RAB28: variants seen among roughly 807,000 people sequenced by gnomAD.
RAB28 encodes RAB28, member RAS oncogene family.
Under a neutral mutation model 31.7 loss-of-function variants are expected in RAB28, and 24 were observed. The observed-to-expected ratio is 0.76, with a 90% CI of 0.55 to 1.06. RAB28 has a LOEUF of 1.06. RAB28 is among the 50% of genes least tolerant of loss of function. The probability of loss-of-function intolerance (pLI) is 0.00; values close to 1 mark genes in which losing one functional copy is unlikely to be tolerated. For synonymous variants in RAB28, 100 were observed against 90.4 expected (o/e 1.11, Z -0.60); for missense variants, 254 against 258.5 (o/e 0.98, Z 0.12).
At chr4:13,443,861 G>A (rs940234027) in intron 4 of RAB28, among the ~76,000 whole-genome samples, 7 of 151,924 alleles carry the variant, frequency 4.6e-5, no homozygotes, top group Non-Finnish European at 7.4e-5. Flanking sequence ...CCCATCCCCT[G>A]ACAACAACTA....
At chr4:13,468,786 T>A (rs185781582) in intron 3 of RAB28, among the ~76,000 whole-genome samples, 5,676 of 142,088 alleles carry the variant, frequency 0.04, 132 homozygotes, top group Middle Eastern at 0.082. Flanking sequence ...GTTTTTTTTT[T>A]AAAAAAAAAA....
At chr4:13,419,137 TC>T (rs1712967028) in intron 4 of RAB28, among the ~76,000 whole-genome samples, 1 of 149,350 alleles carries the variant, frequency 6.7e-6, no homozygotes, top group African/African-American at 2.5e-5. Flanking sequence ...AAAACAAAGA[TC>T]AAAAAAGACA....
Position 13,449,391 on chromosome 4 carries a change from A to G in RAB28, c.391+11308T>C, listed in dbSNP as rs182765173. The stretch of plus-strand genomic sequence containing the variant: ...TTCTTATACCTCCCTATTACTGAGG[A>G]AAAAAGTCTCTTTTAAAAGCCTGCT... On this transcript the variant is annotated intron_variant, in intron 4 of 6. Coordinates refer to ENST00000330852, the MANE Select transcript of RAB28 (RefSeq NM_001017979.3). Among the ~76,000 whole-genome samples, 16 of 152,036 alleles carry G rather than the reference A, an allele frequency of 1.1e-4. No homozygotes were observed. In the East Asian group the frequency reaches 3.1e-3, roughly 29 times the overall value.
At chr4:13,457,526 C>T (rs1715361601) in intron 4 of RAB28, among the ~76,000 whole-genome samples, 1 of 150,842 alleles carries the variant, frequency 6.6e-6, no homozygotes, top group Admixed American at 6.6e-5. Flanking sequence ...TGACTGCATA[C>T]ACTAATATAT....
chr4:13,375,549 A>T (rs1251908781), intron 6 of RAB28, among the ~76,000 whole-genome samples: 2 of 152,132 alleles, frequency 1.3e-5, no homozygotes, highest in Non-Finnish European at 2.9e-5. Context: ...ATATTCTCCT[A>T]GGCCCAAAAC....
rs1208944440 is a variant in RAB28, at chr4:13,460,773, T to C, written c.317A>G (p.Asp106Gly). Residue 106 changes from aspartate to glycine, a missense_variant, in exon 4 of 7, where the codon GAT becomes GGT. Physicochemically the swap from Asp to Gly is moderately conservative, Grantham distance 94 (BLOSUM62 -1). Transcript: ENST00000330852. The stretch of plus-strand genomic sequence containing the variant: ...CACTTTCTTCACCACAGTATACCAA[T>C]CTTCTAAATTCTCAAAGCTTTGATA... ...TNYQSFENLE[D>G]WYTVVKKVSE... 5 of 1,613,736 alleles carry C rather than the reference T, an allele frequency of 3.1e-6. No homozygotes were observed. In the Admixed American group the frequency reaches 6.7e-5, roughly 22 times the overall value.
intron 4 of RAB28, among the ~76,000 whole-genome samples, chr4:13,458,880 T>C (rs1017642026): frequency 6.6e-6 from 1 of 152,200 alleles, no homozygotes; most frequent in Admixed American, 6.5e-5. Flanking sequence ...CTCTATGTGA[T>C]GGTAAATATT....
At chr4:13,478,716 T>C (rs765665530) in intron 2 of RAB28, among the ~76,000 whole-genome samples, 5 of 151,696 alleles carry the variant, frequency 3.3e-5, no homozygotes, top group African/African-American at 4.8e-5. Context: ...AATTTAACCA[T>C]TGAAATTGAA....
At chr4:13,380,197 A>T (rs560408702) in intron 5 of RAB28, among the ~76,000 whole-genome samples, 1 of 152,120 alleles carries the variant, frequency 6.6e-6, no homozygotes, top group Non-Finnish European at 1.5e-5. Context: ...AAAGGATTCC[A>T]GGAGGCCAAA....
At chr4:13,392,037 T>A (rs1446642485) in intron 4 of RAB28, among the ~76,000 whole-genome samples, 2 of 152,162 alleles carry the variant, frequency 1.3e-5, no homozygotes, top group Admixed American at 1.3e-4. Context: ...AATGTATACC[T>A]ATGTAACAAA....
intron 4 of RAB28, among the ~76,000 whole-genome samples, chr4:13,422,895 T>C (rs1388021426): frequency 1.3e-5 from 2 of 149,836 alleles, no homozygotes; most frequent in Middle Eastern, 3.4e-3. Flanking sequence ...ACTTAAAGTA[T>C]AATTTTTAAA....
chr4:13,437,603 C>T (rs1714194607), intron 4 of RAB28, among the ~76,000 whole-genome samples: 1 of 152,090 alleles, frequency 6.6e-6, no homozygotes, highest in Non-Finnish European at 1.5e-5. Context: ...TGAAAAAATG[C>T]TCAATATCAC....
intron 4 of RAB28, among the ~76,000 whole-genome samples, chr4:13,392,294 T>C (rs940846165): frequency 6.6e-6 from 1 of 152,170 alleles, no homozygotes; most frequent in Non-Finnish European, 1.5e-5. Context: ...AAATAGTAAA[T>C]AATTCTGATT....
intron 4 of RAB28, among the ~76,000 whole-genome samples, chr4:13,411,616 A>C (rs1359718404): frequency 1.3e-5 from 2 of 152,196 alleles, no homozygotes; most frequent in East Asian, 3.8e-4. Flanking sequence ...TATTAAATGT[A>C]ATAATTTAAC....
chr4:13,407,054 TAGTCATGA>T (rs1364025173), intron 4 of RAB28, among the ~76,000 whole-genome samples: 9 of 152,222 alleles, frequency 5.9e-5, no homozygotes, highest in South Asian at 2.1e-4. Context: ...TTTGGGGTTT[TAGTCATGA>T]AGTCATGAAG....
In RAB28 at chr4:13,372,010, T is replaced by C. The variant is rs944788041; in HGVS notation, c.574-3360A>G. 11 of 760,460 alleles carry C rather than the reference T, an allele frequency of 1.4e-5. No individual in the cohort carries two copies. The African/African-American group carries it at 1.8e-4, about 12-fold the overall frequency. The allele number at this position is 760,460 out of a possible 1,614,324, so 47.1% of individuals were successfully genotyped here. A position where few individuals can be genotyped will look rare whatever the true frequency, so the allele number is the denominator to read the frequency against. On this transcript the variant is annotated intron_variant, in intron 6 of 6. Transcript: ENST00000330852. ...GCAACCTATGGGTTGGGGCACAAGG[T>C]GTAAGGAGTATAGATGGACTCTGTG... is the stretch of plus-strand genomic sequence containing the variant.
chr4:13,391,932 C>T (rs969927885), intron 4 of RAB28, among the ~76,000 whole-genome samples: 6 of 151,930 alleles, frequency 3.9e-5, no homozygotes, highest in African/African-American at 1.5e-4. Context: ...GGAGGGATAG[C>T]ATTAGGAGAA....
chr4:13,399,576 T>C (rs569709040), intron 4 of RAB28, among the ~76,000 whole-genome samples: 29 of 152,350 alleles, frequency 1.9e-4, no homozygotes, highest in African/African-American at 6.7e-4. Context: ...TTCCTGTAGA[T>C]TGACATTATC....
At chr4:13,409,100 T>A (rs1229234430) in intron 4 of RAB28, among the ~76,000 whole-genome samples, 1 of 152,170 alleles carries the variant, frequency 6.6e-6, no homozygotes, top group Admixed American at 6.5e-5. Context: ...AGCATTATAC[T>A]AAAATCTCAT....
Sources: allele counts gnomAD v4.1 joint callset (sites outside exome capture counted in the v4.1 genomes callset), GRCh38; gene constraint gnomAD v4.1.1; transcripts MANE v1.5; gene names NCBI Gene and HGNC (gene_info 2026-07-23, HGNC 2026-07-21).